ZFPM2: variants seen among roughly 807,000 people sequenced by gnomAD.
ZFPM2 encodes the protein zinc finger protein ZFPM2.
A neutral mutation model predicts 98.6 loss-of-function variants in ZFPM2; 20 were observed. The observed-to-expected ratio is 0.20, with a 90% CI of 0.14 to 0.29. The LOEUF (loss-of-function observed/expected upper bound fraction) is 0.29, where lower values mean the gene tolerates loss of function less well. Among genes scored for constraint, ZFPM2 ranks in the 10% least tolerant of loss-of-function variants. The probability of loss-of-function intolerance (pLI) is 1.00; values close to 1 mark genes in which losing one functional copy is unlikely to be tolerated. For missense variants in ZFPM2, 1,310 were observed against 1,388.6 expected, an observed-to-expected ratio of 0.94 and a Z score of 0.90; for synonymous variants, 518 against 502.7, an observed-to-expected ratio of 1.03 and a Z score of -0.41.
At chr8:105,444,003 T>TTA (rs1006800726) in intron 2 of ZFPM2, among the ~76,000 whole-genome samples, 1 of 152,170 alleles carries the variant, frequency 6.6e-6, no homozygotes, top group Non-Finnish European at 1.5e-5. Context: ...CATTTTCTTC[T>TTA]TATATATATT....
At chr8:105,617,756 C>T (rs1422988303) in intron 4 of ZFPM2, among the ~76,000 whole-genome samples, 2 of 152,092 alleles carry the variant, frequency 1.3e-5, no homozygotes, top group African/African-American at 4.8e-5. Flanking sequence ...AACCGAAAGT[C>T]ATCTTGAATC....
intron 5 of ZFPM2, among the ~76,000 whole-genome samples, chr8:105,690,237 A>C (rs1810845246): frequency 6.6e-6 from 1 of 152,222 alleles, no homozygotes; most frequent in Admixed American, 6.5e-5. Context: ...TAATAAGACT[A>C]ATAACAAAAT....
In ZFPM2 at chr8:105,713,384, C is replaced by T. The variant is rs193049541; in HGVS notation, c.533-75334C>T. The stretch of plus-strand genomic sequence containing the variant: ...TTTTAATAGGGTTATTTGTTTTCTT[C>T]TTGTTGATTTAAGTTTCTTATAGAT... On this transcript the variant is annotated intron_variant, in intron 5 of 7. Transcript: ENST00000407775. Among the ~76,000 whole-genome samples, 3 of 151,906 alleles carry T rather than the reference C, an allele frequency of 2.0e-5. No homozygotes were observed. The East Asian group carries it at 5.8e-4, about 29-fold the overall frequency.
At chr8:105,617,918 A>G (rs1324227139) in intron 4 of ZFPM2, among the ~76,000 whole-genome samples, 2 of 152,136 alleles carry the variant, frequency 1.3e-5, no homozygotes, top group Non-Finnish European at 2.9e-5. Context: ...TTTTAAAATC[A>G]CTAACTAGAC....
chr8:105,610,695 A>G (rs1438670610), intron 4 of ZFPM2, among the ~76,000 whole-genome samples: 1 of 152,296 alleles, frequency 6.6e-6, no homozygotes, highest in African/African-American at 2.4e-5. Flanking sequence ...AGAAGTGTCC[A>G]AAAGAGTGGA....
Position 105,561,056 on chromosome 8 carries a change from A to T in ZFPM2, c.302-307A>T, listed in dbSNP as rs551284664. 8.5e-5 allele frequency among the ~76,000 whole-genome samples: 13 copies of T among 152,280 alleles called. No individual in the cohort carries two copies. The East Asian group carries it at 2.5e-3, about 29-fold the overall frequency. The stretch of plus-strand genomic sequence containing the variant: ...TCTTGTCTACCTGTTTTGGCATTGG[A>T]TCAGTGCTTTTTAAGGGAGTGTTAC... On this transcript the variant is annotated intron_variant, in intron 3 of 7. Transcript: ENST00000407775.
In ZFPM2 at chr8:105,618,328, G is replaced by A. The variant is rs189959370; in HGVS notation, c.421-15918G>A. ...CAGTTCATGGCTAAGGCAATTTCTG[G>A]CAATGTGAATATGGACAAATTGTTT... On this transcript the variant is annotated intron_variant, in intron 4 of 7. Transcript: ENST00000407775. Among the ~76,000 whole-genome samples, 134 of 152,162 alleles carry A rather than the reference G, an allele frequency of 8.8e-4. 2 individuals are homozygous for A. The highest frequency in any genetic ancestry group is 3.4e-3 in the Middle Eastern group (1 of 294).
chr8:105,418,523 T>G, intron 1 of ZFPM2: 1 of 514,230 alleles, frequency 1.9e-6, no homozygotes, highest in South Asian at 1.4e-5. Flanking sequence ...CAAATTACAT[T>G]TTTTCATTAG....
chr8:105,444,179 T>C (rs536587647), intron 2 of ZFPM2, 101 bp from the exon 3 acceptor site: 1 of 876,484 alleles, frequency 1.1e-6, no homozygotes, highest in South Asian at 1.5e-5. Flanking sequence ...ATAACAAACC[T>C]GTAATTAGAT....
At chr8:105,584,793 C>T (rs1027276283) in intron 4 of ZFPM2, among the ~76,000 whole-genome samples, 1 of 152,146 alleles carries the variant, frequency 6.6e-6, no homozygotes, top group Non-Finnish European at 1.5e-5. Flanking sequence ...TGGTCTGTAT[C>T]TCACCACTGG....
chr8:105,388,451 T>A (rs1159759305), intron 1 of ZFPM2, among the ~76,000 whole-genome samples: 1 of 152,156 alleles, frequency 6.6e-6, no homozygotes, highest in Non-Finnish European at 1.5e-5. Context: ...AGAAGGCATT[T>A]GCAGTTGTTA....
At chr8:105,489,120 T>C (rs1334127765) in intron 3 of ZFPM2, among the ~76,000 whole-genome samples, 1 of 151,992 alleles carries the variant, frequency 6.6e-6, no homozygotes, top group Non-Finnish European at 1.5e-5. Context: ...AGGTATAATA[T>C]AGCAGTACAT....
intron 5 of ZFPM2, among the ~76,000 whole-genome samples, chr8:105,648,524 G>A (rs1479735519): frequency 1.3e-5 from 2 of 152,162 alleles, no homozygotes; most frequent in Non-Finnish European, 2.9e-5. Flanking sequence ...TAACATTTAA[G>A]TCTTTAATCC....
intron 3 of ZFPM2, among the ~76,000 whole-genome samples, chr8:105,543,125 G>A (rs1374589158): frequency 6.6e-6 from 1 of 152,120 alleles, no homozygotes; most frequent in Non-Finnish European, 1.5e-5. Flanking sequence ...TCCATGATGA[G>A]AAGTTAAATT....
Position 105,634,322 on chromosome 8 carries a change from A to C in ZFPM2, c.497A>C (p.Glu166Ala). 6 of 1,612,908 alleles carry C rather than the reference A, an allele frequency of 3.7e-6. No homozygotes were observed. The highest frequency in any genetic ancestry group is 5.1e-6 in the Non-Finnish European group (6 of 1,179,432). The change falls in exon 5 of 8, where the codon GAA (glutamate) becomes GCA (alanine). Residue 166 changes from glutamate (E) to alanine (A), a missense_variant. Physicochemically the swap from Glu to Ala is moderately radical, Grantham distance 107 (BLOSUM62 -1). Transcript: ENST00000407775. Reference sequence around the variant, plus strand: ...CTGGATGTGACTTGGCAAGGAGTGGAAGACAACAAAAACAACTGCATTGTG... The same window carrying C: ...CTGGATGTGACTTGGCAAGGAGTGGCAGACAACAAAAACAACTGCATTGTG... ...WLLDVTWQGV[E>A]DNKNNCIVYS...
intron 5 of ZFPM2, among the ~76,000 whole-genome samples, chr8:105,657,274 G>A (rs1817303877): frequency 6.6e-6 from 1 of 152,112 alleles, no homozygotes; most frequent in African/African-American, 2.4e-5. Context: ...AAGTAGCTGG[G>A]ACTAGAGGCG....
intron 1 of ZFPM2, among the ~76,000 whole-genome samples, chr8:105,379,162 T>G (rs566760248): frequency 6.6e-6 from 1 of 152,352 alleles, no homozygotes; most frequent in South Asian, 2.1e-4. Context: ...TTAAATAACT[T>G]GTTAATTTCT....
At chr8:105,503,723 C>G (rs770816229) in intron 3 of ZFPM2, among the ~76,000 whole-genome samples, 1 of 152,084 alleles carries the variant, frequency 6.6e-6, no homozygotes, top group Non-Finnish European at 1.5e-5. Context: ...TCCAAGCACC[C>G]TTAAGGAAGG....
chr8:105,506,799 A>C (rs1813707908), intron 3 of ZFPM2, among the ~76,000 whole-genome samples: 1 of 152,008 alleles, frequency 6.6e-6, no homozygotes, highest in Non-Finnish European at 1.5e-5. Flanking sequence ...CATCCTGGCT[A>C]ACACGGTGAA....
Sources: gnomAD v4.1 joint callset for allele counts (sites outside exome capture counted in the v4.1 genomes callset) on GRCh38, gnomAD v4.1.1 for gene constraint, MANE v1.5 for transcripts, NCBI Gene and HGNC (gene_info 2026-07-23, HGNC 2026-07-21) for gene names.